DNAH11: variants seen among roughly 807,000 people sequenced by gnomAD.
DNAH11 encodes the protein dynein axonemal heavy chain 11.
A neutral mutation model predicts 526.0 loss-of-function variants in DNAH11; 442 were observed. That is an observed-to-expected ratio of 0.84 (90% confidence interval 0.78 to 0.91). DNAH11 has a LOEUF of 0.91. Among genes scored for constraint, DNAH11 ranks in the 40% least tolerant of loss-of-function variants. DNAH11 has a pLI of 0.00. For synonymous variants in DNAH11, 2,461 were observed against 1,935.9 expected (o/e 1.27, Z -7.12); for missense variants, 6,989 against 5,448.7 (o/e 1.28, Z -8.90).
chr7:21,700,465 C>T (rs1157979583), intron 36 of DNAH11, among the ~76,000 whole-genome samples: 1 of 152,162 alleles, frequency 6.6e-6, no homozygotes, highest in Non-Finnish European at 1.5e-5. Flanking sequence ...AGCAGAGGCA[C>T]CAAGTCCTCT....
intron 40 of DNAH11, among the ~76,000 whole-genome samples, 188 bp downstream of exon 40, chr7:21,708,023 G>A (rs1439168916): frequency 1.3e-5 from 2 of 152,162 alleles, no homozygotes; most frequent in South Asian, 2.1e-4. Context: ...TACTTGATTT[G>A]CATTCAGCAG....
At position 21,601,403 on chromosome 7, in the gene DNAH11, G is replaced by T; in HGVS notation, c.3433G>T (p.Glu1145Ter). The T allele has an allele frequency of 1.2e-6, 2 of 1,611,494 alleles. No homozygotes were observed. Among genetic ancestry groups the T allele is most frequent in the South Asian group, 1.1e-5 (1 of 90,816 alleles). ...TACATATATATTTAATAGTCTGAAT[G>T]AGCTACAAGAATTTATAAAGGAGAC... The part of the protein sequence containing the change: ...LLRFVIDSLN[E>*]LQEFIKETDS... Residue 1145 changes from glutamate to a stop codon, truncating the protein, a stop_gained, in exon 18 of 82, where the codon GAG (glutamate) becomes TAG (stop). Transcript: ENST00000409508. LOFTEE classifies it high-confidence loss of function.
intron 81 of DNAH11, 89 bp from the exon 82 acceptor site, chr7:21,900,918 T>C: frequency 6.9e-7 from 1 of 1,446,576 alleles, no homozygotes; most frequent in South Asian, 1.5e-5. Context: ...ACCAGAATGT[T>C]GAATGTTTAT....
intron 61 of DNAH11, among the ~76,000 whole-genome samples, chr7:21,795,414 A>C (rs1788666623): frequency 6.6e-6 from 1 of 152,130 alleles, no homozygotes; most frequent in South Asian, 2.1e-4. Context: ...ATACTTGATC[A>C]GTTTCCCTGT....
chr7:21,780,902 AC>A (rs1477926057), intron 57 of DNAH11, among the ~76,000 whole-genome samples: 1 of 152,218 alleles, frequency 6.6e-6, no homozygotes, highest in Admixed American at 6.5e-5. Context: ...GAAAAGACCG[AC>A]ATGAGACAAG....
At chr7:21,613,063 T>C (rs1280094604) in intron 20 of DNAH11, among the ~76,000 whole-genome samples, 3 of 151,968 alleles carry the variant, frequency 2.0e-5, no homozygotes, top group Non-Finnish European at 4.4e-5. Context: ...GAAGCATTAG[T>C]AATAAGGGTG....
rs533654936 is a variant in DNAH11 at position 21,797,716 on chromosome 7, T to C, written c.10027-3421T>C. 3.3e-4 allele frequency among the ~76,000 whole-genome samples: 51 copies of C among 152,378 alleles called. No homozygotes were observed. In the Middle Eastern group the frequency reaches 0.01, roughly 30 times the overall value. On this transcript the variant is annotated intron_variant, in intron 61 of 81. Transcript: ENST00000409508. ...AGCATGCTTGGAATCCTGGCTATTATACCAGGTTAGTACTTATTCCTGGTG... is the reference window on the plus strand; with the variant it reads ...AGCATGCTTGGAATCCTGGCTATTACACCAGGTTAGTACTTATTCCTGGTG...
At chr7:21,558,400 C>G (rs952995064) in intron 2 of DNAH11, among the ~76,000 whole-genome samples, 1 of 152,178 alleles carries the variant, frequency 6.6e-6, no homozygotes, top group South Asian at 2.1e-4. Flanking sequence ...GGGATGCCAC[C>G]TAGGGCTTGA....
At chr7:21,639,190 A>G (rs1787011412) in intron 28 of DNAH11, 125 bp downstream of exon 28, 1 of 1,196,144 alleles carries the variant, frequency 8.4e-7, no homozygotes, top group South Asian at 1.8e-5. Flanking sequence ...CTGCAGTTAA[A>G]ATTTGTAATG....
chr7:21,568,469 G>T (rs1201616424), intron 6 of DNAH11, among the ~76,000 whole-genome samples: 1 of 152,162 alleles, frequency 6.6e-6, no homozygotes, highest in Non-Finnish European at 1.5e-5. Context: ...AAAGTAGTTT[G>T]TGGCCCCTAG....
At chr7:21,822,195 G>T (rs376914911) in intron 65 of DNAH11, among the ~76,000 whole-genome samples, 65 of 152,156 alleles carry the variant, frequency 4.3e-4, no homozygotes, top group African/African-American at 1.5e-3. Flanking sequence ...TTTAACTCAT[G>T]GTTCTGTAGG....
At chr7:21,564,535 C>A in intron 6 of DNAH11, 138 bp downstream of exon 6, 1 of 602,260 alleles carries the variant, frequency 1.7e-6, no homozygotes, top group Non-Finnish European at 2.7e-6. Flanking sequence ...TTTTTGGTAA[C>A]AAAGGCCAGG....
In DNAH11 at chr7:21,763,228, G is replaced by T. The variant is rs186526519; in HGVS notation, c.8941-2200G>T. Among the ~76,000 whole-genome samples the T allele has an allele frequency of 7.3e-5, 11 of 151,714 alleles. 1 individual carries two copies. Among genetic ancestry groups the T allele is most frequent in the Middle Eastern group, 3.4e-3 (1 of 292 alleles). On this transcript the variant is annotated intron_variant, in intron 54 of 81. Coordinates refer to ENST00000409508, the MANE Select transcript of DNAH11 (RefSeq NM_001277115.2). Reference sequence around the variant, plus strand: ...GTGGTGGCAAGTGTCTGTAGTCCCAGCTACTCAGGAGGCTGAGGCAGGAGA... The same window carrying T: ...GTGGTGGCAAGTGTCTGTAGTCCCATCTACTCAGGAGGCTGAGGCAGGAGA...
chr7:21,727,890 C>G (rs937369607), intron 45 of DNAH11, among the ~76,000 whole-genome samples: 11 of 152,138 alleles, frequency 7.2e-5, no homozygotes, highest in African/African-American at 2.7e-4. Flanking sequence ...TCTCCTGCAG[C>G]CTTTCTCCTC....
intron 8 of DNAH11, among the ~76,000 whole-genome samples, chr7:21,580,341 G>A (rs1784262742): frequency 6.6e-6 from 1 of 152,192 alleles, no homozygotes; most frequent in Non-Finnish European, 1.5e-5. Flanking sequence ...AATGAGCCTT[G>A]AATAAAGAGA....
intron 62 of DNAH11, among the ~76,000 whole-genome samples, chr7:21,805,325 C>G (rs1393197156): frequency 6.6e-6 from 1 of 152,050 alleles, no homozygotes. Context: ...ATATGAGCTT[C>G]GCAAGAACAG....
chr7:21,806,269 AT>A (rs1277086206), intron 62 of DNAH11, among the ~76,000 whole-genome samples: 2 of 152,226 alleles, frequency 1.3e-5, no homozygotes, highest in East Asian at 3.8e-4. Context: ...AGTTGGATAC[AT>A]TTTATTGTTT....
At position 21,600,803 on chromosome 7, in the gene DNAH11, A is replaced by G. The variant is rs1353156845; in HGVS notation, c.3128A>G (p.Asp1043Gly). 1 of 1,613,908 alleles carries G rather than the reference A, an allele frequency of 6.2e-7. No individual in the cohort carries two copies. The highest frequency in any genetic ancestry group is 8.5e-7 in the Non-Finnish European group (1 of 1,179,830). Residue 1043 changes from aspartate (D) to glycine (G), a missense_variant, in exon 16 of 82, where the codon GAT (aspartate) becomes GGT (glycine). Asp to Gly is a moderately conservative substitution (Grantham distance 94, BLOSUM62 -1). Transcript: ENST00000409508. ...TLETHTYLWV[D>G]DRAEFMKHFL... ...GAGACCCACACTTACCTCTGGGTGG[A>G]TGATCGAGCTGAGTTTATGAAGCAT...
At position 21,711,698 on chromosome 7, in the gene DNAH11, G is replaced by GCAC; in HGVS notation, c.6835-13_6835-12insACC. ...TGCTTTTGCCCATGGGTGACAGTGT[G>GCAC]CTGCTCACTCCAGGTGCTGACCCTC... On this transcript the variant is annotated splice_polypyrimidine_tract_variant and intron_variant, in intron 41 of 81. Transcript: ENST00000409508. The GCAC allele has an allele frequency of 1.2e-6, 2 of 1,611,304 alleles. No homozygotes were observed. The highest frequency in any genetic ancestry group is 1.7e-5 in the Admixed American group (1 of 59,854).
Sources: allele counts gnomAD v4.1 joint callset (sites outside exome capture counted in the v4.1 genomes callset), GRCh38; gene constraint gnomAD v4.1.1; transcripts MANE v1.5; gene names NCBI Gene and HGNC (gene_info 2026-07-23, HGNC 2026-07-21).